The following SLC35F3 variants were observed in gnomAD, a reference collection of about 807,000 sequenced individuals.
The protein encoded by SLC35F3 is solute carrier family 35 member F3.
A neutral mutation model predicts 49.9 loss-of-function variants in SLC35F3; 25 were observed. The observed-to-expected ratio is 0.50, with a 90% CI of 0.37 to 0.70. SLC35F3 has a LOEUF of 0.70. Ranked by LOEUF, SLC35F3 falls within the 30% of genes least tolerant of loss-of-function variation. The pLI is 0.00. For synonymous variants in SLC35F3, 275 were observed against 265.4 expected (o/e 1.04, Z -0.35); for missense variants, 525 against 639.8 (o/e 0.82, Z 1.94).
At chr1:234,152,848 T>A (rs1225738204) in intron 2 of SLC35F3, among the ~76,000 whole-genome samples, 1 of 152,206 alleles carries the variant, frequency 6.6e-6, no homozygotes, top group Non-Finnish European at 1.5e-5. Context: ...CCACCAACAA[T>A]GTAAAAGCGT....
chr1:234,063,699 G>A (rs1664576635), intron 2 of SLC35F3, among the ~76,000 whole-genome samples: 1 of 152,218 alleles, frequency 6.6e-6, no homozygotes, highest in Non-Finnish European at 1.5e-5. Context: ...TGGTATAAGG[G>A]CACTGGCTTT....
chr1:234,008,693 A>T (rs1240594648), intron 2 of SLC35F3, among the ~76,000 whole-genome samples: 1 of 152,202 alleles, frequency 6.6e-6, no homozygotes, highest in African/African-American at 2.4e-5. Context: ...CCTGCCCTGG[A>T]GGAGTATCTG....
chr1:234,004,678 G>A (rs1291645751), intron 2 of SLC35F3, among the ~76,000 whole-genome samples: 2 of 152,024 alleles, frequency 1.3e-5, no homozygotes, highest in Admixed American at 6.6e-5. Flanking sequence ...TCTTCATAAA[G>A]GCAAACTGCT....
At chr1:234,252,734 T>C (rs1403763624) in intron 3 of SLC35F3, among the ~76,000 whole-genome samples, 2 of 152,218 alleles carry the variant, frequency 1.3e-5, no homozygotes, top group African/African-American at 4.8e-5. Context: ...TTAGCAAAGC[T>C]GAAAGAAAAC....
intron 2 of SLC35F3, among the ~76,000 whole-genome samples, chr1:234,041,919 G>C (rs564216735): frequency 6.6e-6 from 1 of 152,162 alleles, no homozygotes; most frequent in African/African-American, 2.4e-5. Flanking sequence ...ACACAGGAAG[G>C]AGTCCTGGGT....
chr1:234,305,862 C>A (rs774160052), intron 3 of SLC35F3, among the ~76,000 whole-genome samples: 1 of 152,136 alleles, frequency 6.6e-6, no homozygotes, highest in Non-Finnish European at 1.5e-5. Flanking sequence ...TACATCTAAT[C>A]TTTGTATGTG....
At chr1:234,265,312 TA>T (rs1479275602) in intron 3 of SLC35F3, among the ~76,000 whole-genome samples, 2 of 151,256 alleles carry the variant, frequency 1.3e-5, no homozygotes, top group Non-Finnish European at 2.9e-5. Flanking sequence ...ATCTCAGCAT[TA>T]TTTCTTCTTT....
chr1:233,924,323 C>G (rs1662120026), intron 2 of SLC35F3, among the ~76,000 whole-genome samples: 1 of 152,170 alleles, frequency 6.6e-6, no homozygotes, highest in Non-Finnish European at 1.5e-5. Flanking sequence ...AATTTCAGAG[C>G]CTGTTATTGG....
chr1:234,053,127 G>T (rs146749991), intron 2 of SLC35F3, among the ~76,000 whole-genome samples: 2,856 of 152,276 alleles, frequency 0.019, 125 homozygotes, highest in East Asian at 0.17. Flanking sequence ...GATTTCGGGT[G>T]GAGAGTTCTG....
chr1:234,032,551 C>G (rs961077397), intron 2 of SLC35F3, among the ~76,000 whole-genome samples: 2 of 152,120 alleles, frequency 1.3e-5, no homozygotes, highest in African/African-American at 4.8e-5. Context: ...TTGTATTATT[C>G]TTATGCCTTT....
intron 2 of SLC35F3, among the ~76,000 whole-genome samples, chr1:234,075,447 T>C (rs1446070922): frequency 6.6e-6 from 1 of 152,248 alleles, no homozygotes. Flanking sequence ...AACATGTCTT[T>C]AGTGCAAGCT....
intron 2 of SLC35F3, among the ~76,000 whole-genome samples, chr1:234,098,348 GGTGGCAGTTCAGATGGTGGTGGTA>G: frequency 6.6e-6 from 1 of 150,432 alleles, no homozygotes; most frequent in Non-Finnish European, 1.5e-5. Flanking sequence ...TGGTGGTGGT[GGTGGCAGTTCAGATGGTGGTGGTA>G]GTGATGGTGT....
At chr1:234,177,844 A>ATT (rs1666498895) in intron 2 of SLC35F3, among the ~76,000 whole-genome samples, 1 of 152,206 alleles carries the variant, frequency 6.6e-6, no homozygotes, top group Non-Finnish European at 1.5e-5. Flanking sequence ...CATCAAAACA[A>ATT]TTTGATCTTA....
intron 2 of SLC35F3, among the ~76,000 whole-genome samples, chr1:234,176,748 T>C (rs1342204973): frequency 6.6e-6 from 1 of 152,162 alleles, no homozygotes; most frequent in Non-Finnish European, 1.5e-5. Context: ...CCAGACAGAC[T>C]GAACTTGAAC....
intron 2 of SLC35F3, among the ~76,000 whole-genome samples, chr1:234,139,951 T>TAATAAAATAAAATAAAATAAAATAA (rs1553308858): frequency 0.058 from 5,245 of 90,452 alleles, 601 homozygotes; most frequent in East Asian, 0.15. Flanking sequence ...CATCTCAAAA[T>TAATAAAATAAAATAAAATAAAATAA]AATAAAATAA....
intron 2 of SLC35F3, among the ~76,000 whole-genome samples, chr1:233,988,381 C>G (rs1038900455): frequency 3.9e-5 from 6 of 152,166 alleles, no homozygotes; most frequent in African/African-American, 1.4e-4. Flanking sequence ...TTCAGTTGAG[C>G]CAATTGTATG....
In SLC35F3 at chr1:234,239,293, G is replaced by A. The variant is rs74831164; in HGVS notation, c.608+7552G>A. 5.1e-3 allele frequency among the ~76,000 whole-genome samples: 775 copies of A among 152,188 alleles called. 5 individuals are homozygous for A. Among genetic ancestry groups the A allele is most frequent in the African/African-American group, 0.017 (696 of 41,494 alleles). On this transcript the variant is annotated intron_variant, in intron 3 of 7. Transcript: ENST00000366618. ...GATGAGAAGGAGGGCCCATGTAGGC[G>A]GCATACAAAAGTCACAAGTGTGTAC... is the stretch of plus-strand genomic sequence containing the variant.
chr1:233,954,994 C>T (rs1002160236), intron 2 of SLC35F3, among the ~76,000 whole-genome samples: 1 of 152,142 alleles, frequency 6.6e-6, no homozygotes, highest in African/African-American at 2.4e-5. Context: ...CAGGCACACA[C>T]CACCACGCCC....
intron 2 of SLC35F3, among the ~76,000 whole-genome samples, chr1:234,112,321 T>G (rs988450284): frequency 2.6e-5 from 4 of 152,092 alleles, no homozygotes; most frequent in African/African-American, 9.7e-5. Context: ...ACCACTGCAC[T>G]CCAGCATGGG....
Sources: gnomAD v4.1 joint callset for allele counts (sites outside exome capture counted in the v4.1 genomes callset) on GRCh38, gnomAD v4.1.1 for gene constraint, MANE v1.5 for transcripts, NCBI Gene and HGNC (gene_info 2026-07-23, HGNC 2026-07-21) for gene names.